SFXN4: variants seen among roughly 807,000 people sequenced by gnomAD.
SFXN4 encodes sideroflexin 4.
A neutral mutation model predicts 54.6 loss-of-function variants in SFXN4; 48 were observed. That is an observed-to-expected ratio of 0.88 (90% CI 0.70 to 1.12). SFXN4 has a LOEUF of 1.12. Among genes scored for constraint, SFXN4 ranks in the 50% most tolerant of loss-of-function variants. The pLI is 0.00. For missense variants in SFXN4, 383 were observed against 409.2 expected, an observed-to-expected ratio of 0.94 and a Z score of 0.55; for synonymous variants, 130 against 145.5, an observed-to-expected ratio of 0.89 and a Z score of 0.77.
intron 9 of SFXN4, among the ~76,000 whole-genome samples, chr10:119,157,092 T>C (rs768193143): frequency 6.6e-6 from 1 of 152,138 alleles, no homozygotes; most frequent in Non-Finnish European, 1.5e-5. Context: ...ACAAATTATA[T>C]AACATATTTA....
chr10:119,149,525 A>G (rs1162626437), intron 11 of SFXN4, among the ~76,000 whole-genome samples: 1 of 152,172 alleles, frequency 6.6e-6, no homozygotes, highest in Non-Finnish European at 1.5e-5. Flanking sequence ...CAAGGTGGGC[A>G]GATCACCTGA....
At chr10:119,152,113 G>A (rs1847094258) in intron 11 of SFXN4, among the ~76,000 whole-genome samples, 1 of 151,896 alleles carries the variant, frequency 6.6e-6, no homozygotes, top group Admixed American at 6.6e-5. Context: ...ATGCCTGGCT[G>A]CACAACTGTT....
intron 11 of SFXN4, among the ~76,000 whole-genome samples, chr10:119,154,630 G>A (rs1282232210): frequency 6.6e-6 from 1 of 152,090 alleles, no homozygotes; most frequent in Non-Finnish European, 1.5e-5. Context: ...CCAGGAGTTC[G>A]AGACCAGCCT....
chr10:119,162,316 C>T, intron 3 of SFXN4, 24 bp downstream of exon 3: 1 of 1,610,586 alleles, frequency 6.2e-7, no homozygotes, highest in Non-Finnish European at 8.5e-7. Flanking sequence ...GGCAACCAGC[C>T]AGACCTGAGC....
intron 13 of SFXN4, among the ~76,000 whole-genome samples, chr10:119,143,142 C>T (rs1846626072): frequency 6.6e-6 from 1 of 152,094 alleles, no homozygotes; most frequent in African/African-American, 2.4e-5. Flanking sequence ...CTGCCCCTTC[C>T]AACCTTGCAT....
intron 11 of SFXN4, among the ~76,000 whole-genome samples, chr10:119,153,289 GA>G (rs1423775522): frequency 6.6e-6 from 1 of 151,192 alleles, no homozygotes; most frequent in Non-Finnish European, 1.5e-5. Context: ...TGCATATTTA[GA>G]ATCCCAGCTA....
intron 11 of SFXN4, among the ~76,000 whole-genome samples, chr10:119,151,515 TTTA>T (rs1554886774): frequency 6.6e-6 from 1 of 151,986 alleles, no homozygotes; most frequent in East Asian, 1.9e-4. Flanking sequence ...GTTTCATTTA[TTTA>T]TTATTATTAT....
Position 119,165,419 on chromosome 10 carries a change from A to T in SFXN4, c.111+118T>A, listed in dbSNP as rs138023145. On this transcript the variant is annotated intron_variant, in intron 1 of 13. Coordinates refer to ENST00000355697, the MANE Select transcript of SFXN4 (RefSeq NM_213649.2). ...GCGTTCCCGGCACAACTCCGAGAGG[A>T]GGAAACGGAGACAGGGGGCGCCCAC... 2,424 of 1,337,318 alleles carry T rather than the reference A, an allele frequency of 1.8e-3. 46 individuals are homozygous for T. The African/African-American group carries it at 0.034, about 19-fold the overall frequency. 82.8% of individuals were successfully genotyped at this position (1,337,318 alleles called of 1,614,324 possible).
intron 1 of SFXN4, among the ~76,000 whole-genome samples, chr10:119,164,488 G>A (rs892139282): frequency 3.3e-5 from 5 of 152,126 alleles, no homozygotes; most frequent in Non-Finnish European, 5.9e-5. Flanking sequence ...TAAAATCCCA[G>A]ACTTTGGGGG....
At chr10:119,164,915 C>CA (rs972115304) in intron 1 of SFXN4, among the ~76,000 whole-genome samples, 1 of 152,072 alleles carries the variant, frequency 6.6e-6, no homozygotes, top group Admixed American at 6.6e-5. Flanking sequence ...CACTCTGTAC[C>CA]AAAAAAGCGA....
chr10:119,159,699 C>T (rs1286229976), intron 6 of SFXN4, 29 bp downstream of exon 6: 1 of 1,613,278 alleles, frequency 6.2e-7, no homozygotes, highest in African/African-American at 1.3e-5. Flanking sequence ...AGCCCCTAGT[C>T]TCCTAACGGC....
chr10:119,145,956 G>A (rs1181593894), intron 13 of SFXN4, among the ~76,000 whole-genome samples: 1 of 152,100 alleles, frequency 6.6e-6, no homozygotes, highest in Non-Finnish European at 1.5e-5. Context: ...CTGCGCAGCT[G>A]GGACAACAGG....
In SFXN4 at chr10:119,156,715, G is replaced by A; in HGVS notation, c.579C>T (p.Gly193=). The A allele has an allele frequency of 1.9e-6, 3 of 1,611,550 alleles. No individual in the cohort carries two copies. The South Asian group carries it at 3.3e-5, about 18-fold the overall frequency. ...CAGGTAAGAGTCTTTTAATCCAAGG[G>A]CCAGTCAGGCCATACTTCATCTGGA... ...QFVQMKYGLT[G]PWIKRLLPVI... is the part of the protein sequence containing the mutation. Residue 193 remains glycine (G), a synonymous_variant, in exon 10 of 14, where the codon GGC becomes GGT. Coordinates refer to ENST00000355697, the MANE Select transcript of SFXN4 (RefSeq NM_213649.2).
At chr10:119,162,034 C>A (rs1017075470) in intron 3 of SFXN4, 30 of 398,338 alleles carry the variant, frequency 7.5e-5, no homozygotes, top group Non-Finnish European at 8.9e-6. Context: ...TGCCACTGGG[C>A]TCCAGGAATC....
At position 119,162,356 on chromosome 10, in the gene SFXN4, G is replaced by A. The variant is rs1361552496; in HGVS notation, c.236C>T (p.Ala79Val). The A allele has an allele frequency of 1.2e-6, 2 of 1,614,100 alleles. No homozygotes were observed. The highest frequency in any genetic ancestry group is 1.7e-6 in the Non-Finnish European group (2 of 1,179,978). ...GAAACATACCCTTTGGTCCGCCGAG[G>A]CAGGGCTGGAAACATCTTCATTTGT... ...LCTNEDVSSPASADQRIQEAW... is the reference protein window; with the variant it reads ...LCTNEDVSSPVSADQRIQEAW... Residue 79 changes from alanine (A) to valine (V), a missense_variant, in exon 3 of 14, where the codon GCC (alanine) becomes GTC (valine). By Grantham distance (64) the Ala-to-Val change is moderately conservative. Transcript: ENST00000355697.
chr10:119,149,906 A>C (rs1261229056), intron 11 of SFXN4, among the ~76,000 whole-genome samples: 2 of 152,210 alleles, frequency 1.3e-5, no homozygotes, highest in Non-Finnish European at 2.9e-5. Context: ...GGACACTCCA[A>C]GTGAGACGCC....
intron 13 of SFXN4, among the ~76,000 whole-genome samples, chr10:119,144,993 TTTC>T (rs1347662299): frequency 2.6e-5 from 4 of 152,210 alleles, no homozygotes; most frequent in African/African-American, 9.7e-5. Flanking sequence ...TTTTAAAAGA[TTTC>T]TTTTTATGCC....
intron 11 of SFXN4, among the ~76,000 whole-genome samples, chr10:119,151,105 CA>C (rs1847048388): frequency 6.6e-6 from 1 of 152,216 alleles, no homozygotes; most frequent in African/African-American, 2.4e-5. Context: ...CATGGGGGCT[CA>C]CGCCTGTAAT....
rs369191719 is a variant in SFXN4 at position 119,160,842 on chromosome 10, C to T, written c.334+73G>A. 46 of 1,482,558 alleles carry T rather than the reference C, an allele frequency of 3.1e-5. No homozygotes were observed. In the East Asian group the frequency reaches 6.1e-4, roughly 20 times the overall value. The allele number at this position is 1,482,558 out of a possible 1,614,324, so 91.8% of individuals were successfully genotyped here. On this transcript the variant is annotated intron_variant, in intron 5 of 13. Transcript: ENST00000355697. ...CTCGAACTCCTGACCCCAGGTGATC[C>T]GGCAGGCAGAGTTTTCTAAGTGTTA...
Sources: gnomAD v4.1 joint callset for allele counts (sites outside exome capture counted in the v4.1 genomes callset) on GRCh38, gnomAD v4.1.1 for gene constraint, MANE v1.5 for transcripts, NCBI Gene and HGNC (gene_info 2026-07-23, HGNC 2026-07-21) for gene names.